ECT2: variants seen among roughly 807,000 people sequenced by gnomAD.
ECT2 encodes epithelial cell transforming 2.
Under a neutral mutation model 116.9 loss-of-function variants are expected in ECT2, and 61 were observed. The observed-to-expected ratio is 0.52, with a 90% CI of 0.42 to 0.65. The LOEUF (loss-of-function observed/expected upper bound fraction) is 0.65. ECT2 is among the 30% of genes least tolerant of loss of function. The pLI is 0.00. For missense variants in ECT2, 937 were observed against 1,078.7 expected (o/e 0.87, Z 1.84); for synonymous variants, 358 against 346.4 (o/e 1.03, Z -0.37).
intron 18 of ECT2, among the ~76,000 whole-genome samples, chr3:172,798,439 C>CT (rs1194310854): frequency 6.6e-6 from 1 of 151,974 alleles, no homozygotes; most frequent in African/African-American, 2.4e-5. Flanking sequence ...TTTCTGATAA[C>CT]TTTAAGATCA....
chr3:172,797,896 C>T (rs1180736905), intron 18 of ECT2, among the ~76,000 whole-genome samples: 1 of 152,150 alleles, frequency 6.6e-6, no homozygotes, highest in African/African-American at 2.4e-5. Flanking sequence ...CCTTCTAAAG[C>T]CTTGTGATTA....
intron 22 of ECT2, among the ~76,000 whole-genome samples, chr3:172,810,030 G>A (rs55773546): frequency 0.1 from 15,571 of 152,038 alleles, 1,029 homozygotes; most frequent in Non-Finnish European, 0.15. Context: ...ATGTATTTTT[G>A]GTCTCTTGCC....
chr3:172,784,714 A>C lies in ECT2; in HGVS notation c.1736A>C (p.Gln579Pro). 6.2e-7 allele frequency: 1 copy of C among 1,613,370 alleles called. No individual in the cohort carries two copies. The highest frequency in any genetic ancestry group is 8.5e-7 in the Non-Finnish European group (1 of 1,179,382). ...PRFHAFLKIN[Q>P]AKPECGRQSL... Reference sequence around the variant, plus strand: ...TGAATAAATTGTTTTCAGATAAACCAAGCAAAACCAGAATGTGGACGGCAG... The same window carrying C: ...TGAATAAATTGTTTTCAGATAAACCCAGCAAAACCAGAATGTGGACGGCAG... The change falls in exon 17 of 25, where the codon CAA (glutamine) becomes CCA (proline). Residue 579 changes from glutamine to proline, a missense_variant. Physicochemically the swap from Gln to Pro is moderately conservative, Grantham distance 76 (BLOSUM62 -1). Transcript: ENST00000392692.
intron 19 of ECT2, 47 bp downstream of exon 19, chr3:172,802,741 A>C (rs1302513545): frequency 6.6e-7 from 1 of 1,524,634 alleles, no homozygotes. Flanking sequence ...CTTCTTGTTA[A>C]TGAGGTTTCT....
intron 18 of ECT2, among the ~76,000 whole-genome samples, chr3:172,800,461 A>T (rs890772262): frequency 1.3e-5 from 2 of 152,148 alleles, no homozygotes; most frequent in African/African-American, 4.8e-5. Context: ...AAAACTCCCA[A>T]CCTTCTCTTT....
At chr3:172,769,731 T>C (rs1031970366) in intron 13 of ECT2, among the ~76,000 whole-genome samples, 1 of 152,140 alleles carries the variant, frequency 6.6e-6, no homozygotes, top group Admixed American at 6.5e-5. Flanking sequence ...AGGATGAGAT[T>C]ATAGAAGATA....
chr3:172,783,747 C>T (rs1389519195), intron 15 of ECT2, 52 bp from the exon 16 acceptor site: 2 of 1,196,598 alleles, frequency 1.7e-6, no homozygotes, highest in African/African-American at 1.5e-5. Context: ...TACATTGTCT[C>T]TAAGGGTGAC....
chr3:172,784,297 T>TAATA (rs1285138114), intron 16 of ECT2, among the ~76,000 whole-genome samples: 7 of 152,188 alleles, frequency 4.6e-5, no homozygotes, highest in Non-Finnish European at 5.9e-5. Flanking sequence ...AAGTTTTTTT[T>TAATA]AAAGTTTTAT....
At chr3:172,800,609 A>C (rs1219942995) in intron 18 of ECT2, among the ~76,000 whole-genome samples, 2 of 152,174 alleles carry the variant, frequency 1.3e-5, no homozygotes, top group East Asian at 3.8e-4. Flanking sequence ...CATTATTGCT[A>C]TCTTCAATTT....
chr3:172,754,132 C>G (rs1313451622), intron 1 of ECT2, among the ~76,000 whole-genome samples: 1 of 151,834 alleles, frequency 6.6e-6, no homozygotes, highest in Non-Finnish European at 1.5e-5. Context: ...AGATTTTTGG[C>G]TAGGATTTTT....
At chr3:172,813,353 T>TA (rs376135851) in intron 22 of ECT2, among the ~76,000 whole-genome samples, 1 of 151,288 alleles carries the variant, frequency 6.6e-6, no homozygotes, top group African/African-American at 2.4e-5. Flanking sequence ...AATCACATTG[T>TA]AAAAAAAAAT....
At chr3:172,772,716 T>C (rs1200101874) in intron 13 of ECT2, among the ~76,000 whole-genome samples, 2 of 152,244 alleles carry the variant, frequency 1.3e-5, no homozygotes, top group African/African-American at 2.4e-5. Context: ...TTTTCTCTTC[T>C]GTTTTCTTCT....
intron 13 of ECT2, among the ~76,000 whole-genome samples, chr3:172,773,386 C>A (rs1721017653): frequency 6.6e-6 from 1 of 152,010 alleles, no homozygotes; most frequent in Non-Finnish European, 1.5e-5. Flanking sequence ...TATGGCCTTG[C>A]CAAACTCATT....
Position 172,762,519 on chromosome 3 carries a change from A to G in ECT2, c.862A>G (p.Asn288Asp), listed in dbSNP as rs1319228548. 6.3e-7 allele frequency: 1 copy of G among 1,592,032 alleles called. No homozygotes were observed. Among genetic ancestry groups the G allele is most frequent in the Non-Finnish European group, 8.5e-7 (1 of 1,174,962 alleles). Residue 288 changes from asparagine (N) to aspartate (D), a missense_variant, in exon 9 of 25, where the codon AAT (asparagine) becomes GAT (aspartate). Transcript: ENST00000392692. ...FLGFSDEEKTNMEEMTEMQGG... is the reference protein window; with the variant it reads ...FLGFSDEEKTDMEEMTEMQGG... ...GGGATTTTCAGATGAAGAGAAAACC[A>G]ATATGGAAGAAATGACTGAAATGCA... is the stretch of plus-strand genomic sequence containing the variant.
At chr3:172,759,612 T>G (rs7641807) in intron 6 of ECT2, among the ~76,000 whole-genome samples, 9,330 of 151,912 alleles carry the variant, frequency 0.061, 968 homozygotes, top group African/African-American at 0.21. Context: ...TGGCTAATTT[T>G]TTTTTGTATT....
At chr3:172,819,408 T>A (rs1730347893) in intron 24 of ECT2, among the ~76,000 whole-genome samples, 1 of 152,158 alleles carries the variant, frequency 6.6e-6, no homozygotes, top group Non-Finnish European at 1.5e-5. Flanking sequence ...TTAAAATTTT[T>A]AAGACTTCTC....
At chr3:172,758,647 C>T (rs1717579018) in intron 5 of ECT2, among the ~76,000 whole-genome samples, 1 of 152,100 alleles carries the variant, frequency 6.6e-6, no homozygotes, top group Admixed American at 6.5e-5. Flanking sequence ...TTAGAATCAT[C>T]TATAGTAGTG....
At chr3:172,804,930 A>AT (rs1248867116) in intron 20 of ECT2, among the ~76,000 whole-genome samples, 1 of 151,954 alleles carries the variant, frequency 6.6e-6, no homozygotes, top group Non-Finnish European at 1.5e-5. Flanking sequence ...TCCCTGTCTT[A>AT]GAATCACTTC....
chr3:172,753,137 C>T (rs886532180), intron 1 of ECT2, among the ~76,000 whole-genome samples: 2 of 152,032 alleles, frequency 1.3e-5, no homozygotes, highest in African/African-American at 4.8e-5. Context: ...GCTCTGTCAC[C>T]TAGACTGACT....
Sources: gnomAD v4.1 joint callset for allele counts (sites outside exome capture counted in the v4.1 genomes callset) on GRCh38, gnomAD v4.1.1 for gene constraint, MANE v1.5 for transcripts, NCBI Gene and HGNC (gene_info 2026-07-23, HGNC 2026-07-21) for gene names.